SYT14: variants seen among roughly 807,000 people sequenced by gnomAD.
The protein encoded by SYT14 is synaptotagmin 14.
A neutral mutation model predicts 74.2 loss-of-function variants in SYT14; 32 were observed. That is an observed-to-expected ratio of 0.43 (90% CI 0.33 to 0.58). SYT14 has a LOEUF of 0.58. Among genes scored for constraint, SYT14 ranks in the 20% least tolerant of loss-of-function variants. The pLI, the probability that SYT14 is intolerant of heterozygous loss-of-function variation, is 0.05. For synonymous variants in SYT14, 298 were observed against 337.7 expected (o/e 0.88, Z 1.29); for missense variants, 791 against 981.8 (o/e 0.81, Z 2.60).
rs1229618420 is a variant in SYT14 at position 209,952,770 on chromosome 1, C to T, written c.-486+14C>T. 2.5e-6 allele frequency: 4 copies of T among 1,602,158 alleles called. No individual in the cohort carries two copies. The highest frequency in any genetic ancestry group is 1.1e-5 in the South Asian group (1 of 90,844). ...GTATTAGAAAAGGTAAGTCATTGCT[C>T]TGCATGGCTATTTACATACTAAATG... On this transcript the variant is annotated intron_variant, in intron 2 of 9. Transcript: ENST00000637265.
chr1:210,163,396 C>A, exon 10 of SYT14: 1 of 453,658 alleles, frequency 2.2e-6, no homozygotes, highest in Non-Finnish European at 4.4e-6. Context: ...AAGACCCTAC[C>A]TCCACCCCAG....
intron 5 of SYT14, among the ~76,000 whole-genome samples, chr1:210,045,564 G>T (rs953794198): frequency 6.6e-6 from 1 of 152,166 alleles, no homozygotes; most frequent in East Asian, 1.9e-4. Flanking sequence ...GAAAAGAGCC[G>T]CCTCCAGCCA....
At chr1:210,048,588 G>T (rs1399303120) in intron 5 of SYT14, among the ~76,000 whole-genome samples, 1 of 152,178 alleles carries the variant, frequency 6.6e-6, no homozygotes, top group Non-Finnish European at 1.5e-5. Flanking sequence ...TGCCTCCCAT[G>T]TCACATGGAA....
chr1:209,990,524 CAT>C (rs1367996952), intron 2 of SYT14, among the ~76,000 whole-genome samples: 4 of 3,390 alleles, frequency 1.2e-3, no homozygotes, highest in Non-Finnish European at 0.011. Flanking sequence ...GAATATTTCA[CAT>C]ATATATATAT....
At chr1:210,159,032 T>G (rs1466700864) in intron 8 of SYT14, among the ~76,000 whole-genome samples, 1 of 152,100 alleles carries the variant, frequency 6.6e-6, no homozygotes. Context: ...AATATTAAAT[T>G]GATACATTTT....
intron 5 of SYT14, among the ~76,000 whole-genome samples, chr1:210,049,081 C>T (rs1297463269): frequency 6.6e-6 from 1 of 152,238 alleles, no homozygotes; most frequent in East Asian, 1.9e-4. Context: ...CTGCAGGGTA[C>T]AGCCTCCTTC....
intron 1 of SYT14, among the ~76,000 whole-genome samples, chr1:209,952,017 A>G (rs2078919618): frequency 6.6e-6 from 1 of 152,160 alleles, no homozygotes; most frequent in South Asian, 2.1e-4. Context: ...GGCTCCTGGA[A>G]TGCCAGCAAA....
At chr1:210,132,567 T>TTGTGTGTG (rs3031264) in intron 7 of SYT14, among the ~76,000 whole-genome samples, 296 of 145,082 alleles carry the variant, frequency 2.0e-3, no homozygotes, top group African/African-American at 4.9e-3. Context: ...ATTTTATATA[T>TTGTGTGTG]TGTGTGTGTG....
chr1:209,977,212 G>C (rs10127795), intron 2 of SYT14, among the ~76,000 whole-genome samples: 20,897 of 152,106 alleles, frequency 0.14, 4,483 homozygotes, highest in African/African-American at 0.46. Context: ...TTACATTAAA[G>C]GTTAATATTG....
exon 4 of SYT14, chr1:210,016,901 A>C (rs1216833584): frequency 4.9e-6 from 6 of 1,231,670 alleles, no homozygotes; most frequent in Non-Finnish European, 6.1e-6. Context: ...GAAATCTATT[A>C]TAAAAGAAGA....
At chr1:210,009,875 C>A (rs1471058282) in intron 2 of SYT14, among the ~76,000 whole-genome samples, 1 of 152,102 alleles carries the variant, frequency 6.6e-6, no homozygotes, top group Admixed American at 6.6e-5. Flanking sequence ...TAGTGCATTA[C>A]CATTTACCCA....
At chr1:209,993,950 A>G (rs575601501) in intron 2 of SYT14, among the ~76,000 whole-genome samples, 1 of 152,326 alleles carries the variant, frequency 6.6e-6, no homozygotes, top group African/African-American at 2.4e-5. Flanking sequence ...GCAAGTGTTT[A>G]CCTAAAGATG....
Position 210,100,415 on chromosome 1 carries a change from G to A in SYT14, c.1988G>A (p.Gly663Glu), listed in dbSNP as rs753439060. The change falls in exon 7 of 10, where the codon GGG becomes GAG. Residue 663 changes from glycine (G) to glutamate (E), a missense_variant. Coordinates refer to ENST00000637265, the Ensembl canonical transcript of SYT14. ...TATTTAACAAAATTGAATCTTCAAG[G>A]GAAAATGTCATTGCCTGTGATATTG... is the stretch of plus-strand genomic sequence containing the variant. 6 of 1,613,240 alleles carry A rather than the reference G, an allele frequency of 3.7e-6. No individual in the cohort carries two copies. The East Asian group carries it at 1.3e-4, about 36-fold the overall frequency.
At chr1:209,947,687 T>C (rs1477050462) in intron 1 of SYT14, among the ~76,000 whole-genome samples, 1 of 152,224 alleles carries the variant, frequency 6.6e-6, no homozygotes, top group Admixed American at 6.5e-5. Context: ...TATATACACT[T>C]AGTTGATAAA....
intron 5 of SYT14, among the ~76,000 whole-genome samples, chr1:210,048,273 A>G (rs2080923760): frequency 1.3e-5 from 2 of 152,108 alleles, no homozygotes; most frequent in African/African-American, 4.8e-5. Context: ...CGACTCCCAC[A>G]TCTTTTTGAT....
intron 7 of SYT14, among the ~76,000 whole-genome samples, chr1:210,108,873 A>G (rs192610924): frequency 2.1e-4 from 32 of 152,292 alleles, no homozygotes; most frequent in African/African-American, 7.7e-4. Context: ...GTGTTGAAGG[A>G]TGGCAGACTG....
chr1:210,148,493 A>G (rs2083089743), intron 7 of SYT14, among the ~76,000 whole-genome samples: 1 of 142,484 alleles, frequency 7.0e-6, no homozygotes, highest in African/African-American at 2.7e-5. Flanking sequence ...TGGGCGACAG[A>G]GCAAAACTCC....
intron 3 of SYT14, among the ~76,000 whole-genome samples, chr1:210,015,008 AT>A (rs141202582): frequency 0.051 from 7,638 of 151,142 alleles, 1,058 homozygotes; most frequent in East Asian, 0.42. Context: ...AAAACAGAAA[AT>A]TTAAAAATAT....
At chr1:210,031,119 T>C (rs1045831923) in intron 5 of SYT14, among the ~76,000 whole-genome samples, 1 of 141,926 alleles carries the variant, frequency 7.0e-6, no homozygotes, top group Non-Finnish European at 1.5e-5. Context: ...TTGGTAGAGA[T>C]TGGGGGTTTC....
Sources: gnomAD v4.1 joint callset for allele counts (sites outside exome capture counted in the v4.1 genomes callset) on GRCh38, gnomAD v4.1.1 for gene constraint, MANE v1.5 for transcripts, NCBI Gene and HGNC (gene_info 2026-07-23, HGNC 2026-07-21) for gene names.